SUMF1: variants seen among roughly 807,000 people sequenced by gnomAD.
The protein encoded by SUMF1 is formylglycine-generating enzyme.
A neutral mutation model predicts 47.6 loss-of-function variants in SUMF1; 48 were observed. The ratio of observed to expected loss-of-function variants is 1.01; its 90% CI spans 0.80 to 1.28. The LOEUF is 1.28. Ranked by LOEUF, SUMF1 falls within the 50% of genes most tolerant of loss-of-function variation. SUMF1 has a pLI of 0.00. For missense variants in SUMF1, 571 were observed against 485.4 expected, an observed-to-expected ratio of 1.18 and a Z score of -1.66; for synonymous variants, 230 against 192.1, an observed-to-expected ratio of 1.20 and a Z score of -1.63.
intron 6 of SUMF1, among the ~76,000 whole-genome samples, chr3:4,411,939 TG>T (rs1156939832): frequency 6.6e-6 from 1 of 152,166 alleles, no homozygotes; most frequent in Non-Finnish European, 1.5e-5. Flanking sequence ...ATGGAAGGAA[TG>T]AATAAACTAA....
intron 8 of SUMF1, among the ~76,000 whole-genome samples, chr3:4,079,629 C>T (rs1692515128): frequency 6.6e-6 from 1 of 150,756 alleles, no homozygotes; most frequent in African/African-American, 2.4e-5. Context: ...ATGAAATCTA[C>T]CTGATAGGTT....
chr3:4,183,467 T>C (rs1008755091), intron 8 of SUMF1, among the ~76,000 whole-genome samples: 20 of 152,286 alleles, frequency 1.3e-4, no homozygotes, highest in African/African-American at 4.1e-4. Flanking sequence ...TGTAAACAAA[T>C]AGGAGACTAA....
At chr3:4,139,450 T>C (rs1010988586) in intron 8 of SUMF1, among the ~76,000 whole-genome samples, 2 of 151,990 alleles carry the variant, frequency 1.3e-5, no homozygotes, top group African/African-American at 4.8e-5. Flanking sequence ...GAGTCATGTA[T>C]ATTTTATTAT....
intron 8 of SUMF1, among the ~76,000 whole-genome samples, chr3:4,123,528 T>G (rs1693591485): frequency 6.6e-6 from 1 of 152,178 alleles, no homozygotes; most frequent in Non-Finnish European, 1.5e-5. Flanking sequence ...CAAATATAAC[T>G]GCTAACAAGG....
At chr3:4,182,627 T>C (rs1399953611) in intron 8 of SUMF1, among the ~76,000 whole-genome samples, 1 of 152,044 alleles carries the variant, frequency 6.6e-6, no homozygotes, top group Admixed American at 6.5e-5. Flanking sequence ...AATGCTGGTG[T>C]TCATTCTCTC....
chr3:4,135,965 G>T (rs889912196), intron 8 of SUMF1, among the ~76,000 whole-genome samples: 1 of 152,060 alleles, frequency 6.6e-6, no homozygotes, highest in Non-Finnish European at 1.5e-5. Flanking sequence ...ACTGCTCAAT[G>T]AAATAAAAGA....
intron 8 of SUMF1, among the ~76,000 whole-genome samples, chr3:4,282,833 C>T (rs1321184662): frequency 6.6e-6 from 1 of 152,148 alleles, no homozygotes; most frequent in African/African-American, 2.4e-5. Context: ...AAACATACTA[C>T]CAAACAAGAA....
chr3:4,317,988 G>C (rs1698729103), intron 8 of SUMF1, among the ~76,000 whole-genome samples: 1 of 152,156 alleles, frequency 6.6e-6, no homozygotes, highest in South Asian at 2.1e-4. Flanking sequence ...GAGGTGACCA[G>C]AAGGGTTAGA....
chr3:4,277,508 G>A (rs1035942716), intron 8 of SUMF1, among the ~76,000 whole-genome samples: 1 of 152,174 alleles, frequency 6.6e-6, no homozygotes, highest in Middle Eastern at 3.4e-3. Context: ...AAGAAGAACA[G>A]AGGGAACTGG....
At chr3:4,066,980 C>G (rs1695392937) in intron 9 of SUMF1, among the ~76,000 whole-genome samples, 1 of 152,134 alleles carries the variant, frequency 6.6e-6, no homozygotes, top group Non-Finnish European at 1.5e-5. Context: ...TAACCACAGT[C>G]TTGATTTATG....
At chr3:4,270,379 ACTTCT>A (rs1697279224) in intron 8 of SUMF1, among the ~76,000 whole-genome samples, 2 of 151,504 alleles carry the variant, frequency 1.3e-5, no homozygotes, top group Admixed American at 1.3e-4. Context: ...CCTTATTTTC[ACTTCT>A]CTTCTCTCTT....
At chr3:4,195,991 A>G (rs1233293153) in intron 8 of SUMF1, among the ~76,000 whole-genome samples, 1 of 152,146 alleles carries the variant, frequency 6.6e-6, no homozygotes, top group Non-Finnish European at 1.5e-5. Flanking sequence ...ACCAGAAATT[A>G]TATATAATAA....
At chr3:4,249,322 T>C (rs1696740217) in intron 8 of SUMF1, among the ~76,000 whole-genome samples, 1 of 152,234 alleles carries the variant, frequency 6.6e-6, no homozygotes, top group South Asian at 2.1e-4. Context: ...TTTCATTGTT[T>C]ACAAATTGAA....
intron 8 of SUMF1, among the ~76,000 whole-genome samples, chr3:4,326,506 GCCA>G (rs1698947721): frequency 7.2e-6 from 1 of 138,866 alleles, no homozygotes; most frequent in Non-Finnish European, 1.5e-5. Context: ...AATGTACAAG[GCCA>G]GTTTTTCCAA....
intron 8 of SUMF1, among the ~76,000 whole-genome samples, chr3:4,296,118 TTA>T (rs756524736): frequency 1.5e-4 from 22 of 150,298 alleles, no homozygotes; most frequent in Non-Finnish European, 2.1e-4. Flanking sequence ...CTTTGCTTTT[TTA>T]AAAAAAAAAC....
At chr3:4,230,373 AAAG>A (rs1371299878) in intron 8 of SUMF1, among the ~76,000 whole-genome samples, 1 of 152,140 alleles carries the variant, frequency 6.6e-6, no homozygotes, top group Admixed American at 6.5e-5. Flanking sequence ...CTTGGCAACA[AAAG>A]AAGAAGAGTT....
chr3:4,054,657 C>T (rs969873857), intron 9 of SUMF1, among the ~76,000 whole-genome samples: 3 of 152,140 alleles, frequency 2.0e-5, no homozygotes, highest in Non-Finnish European at 2.9e-5. Context: ...TTATGAGATA[C>T]TCACAGTGTG....
chr3:4,271,506 GATA>G lies in SUMF1; in HGVS notation c.1014+104821_1014+104823del, dbSNP rs756230983. Among the ~76,000 whole-genome samples the G allele has an allele frequency of 3.4e-3, 510 of 150,782 alleles. 1 individual carries two copies. Among genetic ancestry groups the G allele is most frequent in the East Asian group, 5.5e-3 (28 of 5,114 alleles). Reference sequence around the variant, plus strand: ...AGATAGATAGATAGATAGATAGATAGATAGATAGATAGATACAGAGAGGATCTC... The same window carrying G: ...AGATAGATAGATAGATAGATAGATAGGATAGATAGATACAGAGAGGATCTC... On this transcript the variant is annotated intron_variant and NMD_transcript_variant, in intron 8 of 12. Coordinates refer to the SUMF1 transcript ENST00000448413.
intron 8 of SUMF1, among the ~76,000 whole-genome samples, chr3:4,071,507 C>T (rs941089338): frequency 6.6e-6 from 1 of 152,238 alleles, no homozygotes; most frequent in Non-Finnish European, 1.5e-5. Flanking sequence ...TGGTGCCTGG[C>T]TCAGCAGGTC....
Sources: allele counts gnomAD v4.1 joint callset (sites outside exome capture counted in the v4.1 genomes callset), GRCh38; gene constraint gnomAD v4.1.1; transcripts MANE v1.5; gene names NCBI Gene and HGNC (gene_info 2026-07-23, HGNC 2026-07-21).